Variants in FGF14 observed in about 807,000 individuals in gnomAD.
The protein encoded by FGF14 is fibroblast growth factor homologous factor 4.
FGF14 carries 5 observed loss-of-function variants against 25.5 expected under a neutral mutation model. The ratio of observed to expected loss-of-function variants is 0.20; its 90% CI spans 0.10 to 0.41. The LOEUF (loss-of-function observed/expected upper bound fraction) is 0.41, where lower values mean the gene tolerates loss of function less well. Ranked by LOEUF, FGF14 falls within the 10% of genes least tolerant of loss-of-function variation. The pLI is 1.00. For missense variants in FGF14, 222 were observed against 320.1 expected, an observed-to-expected ratio of 0.69 and a Z score of 2.34; for synonymous variants, 138 against 118.3, an observed-to-expected ratio of 1.17 and a Z score of -1.08.
chr13:102,314,200 CA>C (rs2055909289), intron 1 of FGF14, among the ~76,000 whole-genome samples: 1 of 152,176 alleles, frequency 6.6e-6, no homozygotes, highest in Non-Finnish European at 1.5e-5. Flanking sequence ...CAGTTAGCAA[CA>C]ATGTAATTTG....
Position 101,722,072 on chromosome 13 carries a change from T to C in FGF14, c.*759A>G, listed in dbSNP as rs1450973468. ...AGAGGGGGATGTCAAACACATATCA[T>C]AGAGAGCTTCCCTGGATTGTGTTTG... On this transcript the variant is annotated 3_prime_UTR_variant, in exon 5 of 5. Coordinates refer to ENST00000376143, the MANE Select transcript of FGF14 (RefSeq NM_004115.4). 1.3e-5 allele frequency: 2 copies of C among 152,624 alleles called. No homozygotes were observed. Among genetic ancestry groups the C allele is most frequent in the Admixed American group, 6.5e-5 (1 of 15,294 alleles). 9.5% of individuals were successfully genotyped at this position (152,624 alleles called of 1,614,324 possible).
chr13:102,324,565 T>G (rs895419318), intron 1 of FGF14, among the ~76,000 whole-genome samples: 1 of 152,156 alleles, frequency 6.6e-6, no homozygotes. Flanking sequence ...TTAGATCAGC[T>G]CATGCATCAA....
In FGF14 at chr13:101,809,803, A is replaced by G. The variant is rs1055317098; in HGVS notation, c.408+58922T>C. 7.2e-5 allele frequency among the ~76,000 whole-genome samples: 11 copies of G among 152,176 alleles called. No individual in the cohort carries two copies. In the East Asian group the frequency reaches 7.7e-4, roughly 11 times the overall value. ...TGATAGATGTCAACCCAGCAAACAGAGCCAGCTATCCAATAAATTAATTTT... is the reference window on the plus strand; with the variant it reads ...TGATAGATGTCAACCCAGCAAACAGGGCCAGCTATCCAATAAATTAATTTT... On this transcript the variant is annotated intron_variant, in intron 3 of 4. Transcript: ENST00000376143.
intron 1 of FGF14, among the ~76,000 whole-genome samples, chr13:101,976,257 C>T (rs1320559875): frequency 1.3e-5 from 2 of 152,066 alleles, no homozygotes; most frequent in East Asian, 3.9e-4. Context: ...TCAGTTTTTT[C>T]TCTATACCTT....
At chr13:101,761,556 C>T (rs1057438839) in intron 3 of FGF14, among the ~76,000 whole-genome samples, 8 of 152,092 alleles carry the variant, frequency 5.3e-5, no homozygotes, top group African/African-American at 1.4e-4. Flanking sequence ...ATTTAGGTTT[C>T]TTGGTCAAGT....
intron 1 of FGF14, among the ~76,000 whole-genome samples, chr13:102,382,669 T>A (rs547534017): frequency 1.3e-5 from 2 of 152,060 alleles, no homozygotes; most frequent in Non-Finnish European, 2.9e-5. Flanking sequence ...AATGTATACA[T>A]AAATGTTCAT....
chr13:101,796,853 TA>T (rs1204331542), intron 3 of FGF14, among the ~76,000 whole-genome samples: 1 of 152,114 alleles, frequency 6.6e-6, no homozygotes, highest in Non-Finnish European at 1.5e-5. Flanking sequence ...CAGACAAAAA[TA>T]TCCTGATTGC....
intron 3 of FGF14, chr13:101,778,823 G>A (rs995109368): frequency 2.6e-5 from 4 of 151,280 alleles, no homozygotes; most frequent in African/African-American, 9.7e-5. Context: ...TGCTTGTTTT[G>A]TTCAAAATGT....
chr13:101,812,284 G>A (rs2041554338), intron 3 of FGF14, among the ~76,000 whole-genome samples: 1 of 152,036 alleles, frequency 6.6e-6, no homozygotes, highest in African/African-American at 2.4e-5. Context: ...TGGTGCAGAT[G>A]TTCTGAGGAC....
chr13:102,206,389 A>ATTAATATC (rs749292916), intron 1 of FGF14, among the ~76,000 whole-genome samples: 31 of 152,314 alleles, frequency 2.0e-4, no homozygotes, highest in Non-Finnish European at 4.0e-4. Context: ...TTAAAATTAT[A>ATTAATATC]TTAATATCAG....
chr13:101,783,526 T>G (rs988777362), intron 3 of FGF14, among the ~76,000 whole-genome samples: 4 of 150,426 alleles, frequency 2.7e-5, no homozygotes, highest in South Asian at 4.2e-4. Flanking sequence ...GGCGTTGAGG[T>G]TTTTTTTTGG....
chr13:101,883,213 T>G (rs1038217807), intron 1 of FGF14, among the ~76,000 whole-genome samples: 1 of 152,180 alleles, frequency 6.6e-6, no homozygotes, highest in South Asian at 2.1e-4. Flanking sequence ...TTCTCCTTAT[T>G]TTATCACCAG....
chr13:102,074,024 T>C (rs181179802), intron 1 of FGF14, among the ~76,000 whole-genome samples: 2 of 152,314 alleles, frequency 1.3e-5, no homozygotes, highest in East Asian at 3.9e-4. Flanking sequence ...TCTTGTCTTT[T>C]TGAGACAGGA....
chr13:102,189,578 G>A (rs1352694271), intron 1 of FGF14, among the ~76,000 whole-genome samples: 1 of 152,136 alleles, frequency 6.6e-6, no homozygotes, highest in Non-Finnish European at 1.5e-5. Flanking sequence ...CATAGGAAGA[G>A]TAAAGGTCAT....
At chr13:102,154,385 T>C (rs2047224844) in intron 1 of FGF14, among the ~76,000 whole-genome samples, 1 of 151,540 alleles carries the variant, frequency 6.6e-6, no homozygotes, top group South Asian at 2.1e-4. Context: ...GAAAAGAATT[T>C]TCAACCCAGA....
chr13:102,066,078 A>G, intron 1 of FGF14, among the ~76,000 whole-genome samples: 1 of 152,272 alleles, frequency 6.6e-6, no homozygotes, highest in East Asian at 1.9e-4. Flanking sequence ...GTCAGCACAA[A>G]ATAATACACT....
chr13:102,308,269 C>T (rs545225176), intron 1 of FGF14, among the ~76,000 whole-genome samples: 79 of 152,246 alleles, frequency 5.2e-4, no homozygotes, highest in Middle Eastern at 6.8e-3. Context: ...TTGTGTTTAA[C>T]AATAAAAAGT....
At chr13:102,286,221 G>A (rs910199649) in intron 1 of FGF14, among the ~76,000 whole-genome samples, 1 of 152,052 alleles carries the variant, frequency 6.6e-6, no homozygotes, top group Admixed American at 6.5e-5. Flanking sequence ...TGCATTATGA[G>A]CACTAACTAT....
intron 1 of FGF14, among the ~76,000 whole-genome samples, chr13:102,086,685 T>C (rs533869355): frequency 5.3e-5 from 8 of 152,354 alleles, no homozygotes; most frequent in East Asian, 3.9e-4. Flanking sequence ...AGAACCGCTA[T>C]ACAGTAGACA....
Sources: gnomAD v4.1 joint callset for allele counts (sites outside exome capture counted in the v4.1 genomes callset) on GRCh38, gnomAD v4.1.1 for gene constraint, MANE v1.5 for transcripts, NCBI Gene and HGNC (gene_info 2026-07-23, HGNC 2026-07-21) for gene names.